The following VPS41 variants were observed in gnomAD, a reference collection of about 807,000 sequenced individuals.
The protein encoded by VPS41 is vacuolar protein sorting-associated protein 41 homolog.
In VPS41, 85 loss-of-function variants were observed where a neutral mutation model predicts 130.9. The observed-to-expected ratio is 0.65, with a 90% CI of 0.55 to 0.78. The LOEUF (loss-of-function observed/expected upper bound fraction) is 0.78. Among genes scored for constraint, VPS41 ranks in the 30% least tolerant of loss-of-function variants. VPS41 has a pLI of 0.00. For synonymous variants in VPS41, 335 were observed against 332.9 expected, an observed-to-expected ratio of 1.01 and a Z score of -0.07; for missense variants, 874 against 1,018.7, an observed-to-expected ratio of 0.86 and a Z score of 1.93.
intron 2 of VPS41, among the ~76,000 whole-genome samples, chr7:38,888,562 C>T (rs1468391394): frequency 2.0e-5 from 3 of 152,146 alleles, no homozygotes; most frequent in Non-Finnish European, 4.4e-5. Context: ...CTTAGACTCC[C>T]ACACAGTAAT....
At chr7:38,786,883 G>A (rs1298803411) in intron 10 of VPS41, among the ~76,000 whole-genome samples, 1 of 152,050 alleles carries the variant, frequency 6.6e-6, no homozygotes, top group Non-Finnish European at 1.5e-5. Flanking sequence ...ATGGTAACAG[G>A]TGGATAAAGA....
chr7:38,762,619 T>C (rs1164100340), intron 17 of VPS41, among the ~76,000 whole-genome samples: 1 of 152,184 alleles, frequency 6.6e-6, no homozygotes, highest in African/African-American at 2.4e-5. Flanking sequence ...GTGCTCTGTT[T>C]AGCAACACAA....
chr7:38,904,395 G>A (rs558361745), intron 1 of VPS41, among the ~76,000 whole-genome samples: 45 of 152,308 alleles, frequency 3.0e-4, no homozygotes, highest in African/African-American at 1.1e-3. Flanking sequence ...GGGAAAGAGT[G>A]CACCCTCTAA....
chr7:38,807,918 C>G (rs1004226491), intron 7 of VPS41, among the ~76,000 whole-genome samples: 1 of 151,922 alleles, frequency 6.6e-6, no homozygotes, highest in African/African-American at 2.4e-5. Context: ...TCTCCATATG[C>G]AAAAGAAGAT....
At chr7:38,870,792 G>C (rs1324223082) in intron 2 of VPS41, among the ~76,000 whole-genome samples, 1 of 66,580 alleles carries the variant, frequency 1.5e-5, no homozygotes, top group African/African-American at 6.8e-5. Context: ...CTGATGAAAA[G>C]ATAGAAATTT....
intron 10 of VPS41, among the ~76,000 whole-genome samples, chr7:38,779,356 T>C (rs574548171): frequency 6.6e-6 from 1 of 152,322 alleles, no homozygotes; most frequent in Admixed American, 6.5e-5. Flanking sequence ...GTAATTCCCT[T>C]ATACCAACAA....
intron 10 of VPS41, among the ~76,000 whole-genome samples, chr7:38,779,294 A>G (rs1012001714): frequency 6.6e-6 from 1 of 152,234 alleles, no homozygotes; most frequent in Admixed American, 6.5e-5. Context: ...GTAAGCAAGT[A>G]ATCAACATTT....
rs145642824 is a variant in VPS41 at position 38,814,400 on chromosome 7, C to T, written c.450+3417G>A. ...GGCGTGGTGGCTCACGCCTGTAAGC[C>T]CAGCACTTTGGAAGGCCGAGCGGAT... is the stretch of plus-strand genomic sequence containing the variant. On this transcript the variant is annotated intron_variant, in intron 7 of 28. Coordinates refer to ENST00000310301, the MANE Select transcript of VPS41 (RefSeq NM_014396.4). Among the ~76,000 whole-genome samples, 741 of 152,276 alleles carry T rather than the reference C, an allele frequency of 4.9e-3. 7 individuals are homozygous for T. The highest frequency in any genetic ancestry group is 0.016 in the African/African-American group (668 of 41,544).
intron 9 of VPS41, among the ~76,000 whole-genome samples, chr7:38,792,102 G>GCATT (rs1309671216): frequency 6.6e-6 from 1 of 152,194 alleles, no homozygotes; most frequent in Admixed American, 6.5e-5. Context: ...GAACAAGGAT[G>GCATT]CATTGCACTA....
In VPS41 at chr7:38,743,560, G is replaced by T. The variant is rs757182322; in HGVS notation, c.1982-18C>A. The T allele has an allele frequency of 6.2e-7, 1 of 1,608,212 alleles. No homozygotes were observed. Among genetic ancestry groups the T allele is most frequent in the Admixed American group, 1.7e-5 (1 of 59,172 alleles). On this transcript the variant is annotated intron_variant, in intron 23 of 28. Transcript: ENST00000310301. ...CATTCGGCCTTGGTGGGGTGAAGAT[G>T]GGAGAAAGAGTTCATTTAAGGTATT...
Position 38,821,186 on chromosome 7 carries a change from A to C in VPS41, c.384+17T>G. On this transcript the variant is annotated intron_variant, in intron 6 of 28. Coordinates refer to ENST00000310301, the MANE Select transcript of VPS41 (RefSeq NM_014396.4). ...TGAGAAAACCCTTAGAAAAAGTAAA[A>C]CTTGCTGAATACTTACTTTAATGGG... 2 of 1,607,474 alleles carry C rather than the reference A, an allele frequency of 1.2e-6. No homozygotes were observed. Among genetic ancestry groups the C allele is most frequent in the South Asian group, 2.2e-5 (2 of 90,706 alleles).
chr7:38,737,464 TA>T (rs1292105182), intron 25 of VPS41, among the ~76,000 whole-genome samples: 2 of 151,968 alleles, frequency 1.3e-5, no homozygotes, highest in Admixed American at 1.3e-4. Context: ...AAAGCAAGAG[TA>T]ATGGCAAGCA....
chr7:38,780,804 G>A (rs927115051), intron 10 of VPS41, among the ~76,000 whole-genome samples: 1 of 152,194 alleles, frequency 6.6e-6, no homozygotes, highest in African/African-American at 2.4e-5. Flanking sequence ...ATTAGATCAT[G>A]GGAACGGATT....
At chr7:38,891,954 T>C (rs1786876447) in intron 2 of VPS41, among the ~76,000 whole-genome samples, 1 of 152,082 alleles carries the variant, frequency 6.6e-6, no homozygotes, top group Non-Finnish European at 1.5e-5. Flanking sequence ...ATTTTTATAA[T>C]TGTTTTGTAA....
intron 4 of VPS41, among the ~76,000 whole-genome samples, chr7:38,833,478 T>C (rs1365310990): frequency 6.6e-6 from 1 of 152,192 alleles, no homozygotes; most frequent in Non-Finnish European, 1.5e-5. Flanking sequence ...TCTACTCCAG[T>C]CCTGATGACC....
chr7:38,771,830 C>T (rs1414968597), intron 13 of VPS41, among the ~76,000 whole-genome samples: 1 of 151,910 alleles, frequency 6.6e-6, no homozygotes, highest in Admixed American at 6.6e-5. Context: ...TTTAAAGTAA[C>T]ATGGTAATTA....
intron 1 of VPS41, among the ~76,000 whole-genome samples, chr7:38,906,904 G>C (rs1787280267): frequency 6.6e-6 from 1 of 152,150 alleles, no homozygotes; most frequent in Admixed American, 6.5e-5. Context: ...ATATAAGCCT[G>C]AGCACGTTAC....
intron 1 of VPS41, among the ~76,000 whole-genome samples, chr7:38,899,528 C>T (rs554665989): frequency 6.6e-6 from 1 of 152,334 alleles, no homozygotes; most frequent in East Asian, 1.9e-4. Context: ...ACTGATCCTT[C>T]TCTTGTGGAC....
chr7:38,861,328 A>G (rs916771542), intron 4 of VPS41, among the ~76,000 whole-genome samples: 1 of 152,198 alleles, frequency 6.6e-6, no homozygotes, highest in Non-Finnish European at 1.5e-5. Context: ...GTGAGGGGGC[A>G]CGCACAACAC....
Sources: allele counts gnomAD v4.1 joint callset (sites outside exome capture counted in the v4.1 genomes callset), GRCh38; gene constraint gnomAD v4.1.1; transcripts MANE v1.5; gene names NCBI Gene and HGNC (gene_info 2026-07-23, HGNC 2026-07-21).